Variants in INO80B observed in about 807,000 individuals in gnomAD.
INO80B encodes INO80 complex subunit B, also known as IES2 homolog.
A neutral mutation model predicts 31.4 loss-of-function variants in INO80B; 18 were observed. That is an observed-to-expected ratio of 0.57 (90% CI 0.40 to 0.85). The LOEUF (loss-of-function observed/expected upper bound fraction) is 0.85. INO80B is among the 40% of genes least tolerant of loss of function. INO80B has a pLI of 0.00. For synonymous variants in INO80B, 238 were observed against 199.0 expected (o/e 1.20, Z -1.65); for missense variants, 469 against 475.4 (o/e 0.99, Z 0.13).
Position 74,457,680 on chromosome 2 carries a change from T to G in INO80B, c.887T>G (p.Val296Gly). 1 of 1,599,822 alleles carries G rather than the reference T, an allele frequency of 6.3e-7. No homozygotes were observed. Among genetic ancestry groups the G allele is most frequent in the Non-Finnish European group, 8.5e-7 (1 of 1,178,884 alleles). ...CCTGGCGTCCCCGCCCCCACGGCAGTGTCTCAGCGGCCATCCCCCTCAGGC... is the reference window on the plus strand; with the variant it reads ...CCTGGCGTCCCCGCCCCCACGGCAGGGTCTCAGCGGCCATCCCCCTCAGGC... ...FPPGVPAPTA[V>G]SQRPSPSGPP... is the part of the protein sequence containing the mutation. The change falls in exon 5 of 5, where the codon GTG becomes GGG. Residue 296 changes from valine (V) to glycine (G), a missense_variant. Val to Gly is a moderately radical substitution (Grantham distance 109). Coordinates refer to ENST00000233331, the MANE Select transcript of INO80B (RefSeq NM_031288.4).
Position 74,457,897 on chromosome 2 carries a change from TGCCC to T in INO80B, c.*36_*39del. 1 of 1,496,782 alleles carries T rather than the reference TGCCC, an allele frequency of 6.7e-7. No individual in the cohort carries two copies. Among genetic ancestry groups the T allele is most frequent in the Non-Finnish European group, 8.9e-7 (1 of 1,128,090 alleles). 92.7% of individuals were successfully genotyped at this position (1,496,782 alleles called of 1,614,324 possible). ...AACCCGGACTCTGCGCCCCGTCCCA[TGCCC>T]GCTCTTGAGTATCTTCCCCACCCTA... On this transcript the variant is annotated 3_prime_UTR_variant, in exon 5 of 5. Coordinates refer to ENST00000233331, the MANE Select transcript of INO80B (RefSeq NM_031288.4).
intron 4 of INO80B, 67 bp downstream of exon 4, chr2:74,456,339 G>A (rs1671699736): frequency 3.2e-6 from 5 of 1,548,214 alleles, no homozygotes; most frequent in African/African-American, 1.4e-5. Context: ...CACGACCCAC[G>A]CACTTTGCGT....
rs1400243555 is a variant in INO80B at position 74,457,769 on chromosome 2, G to C, written c.976G>C (p.Gly326Arg). 2 of 1,599,128 alleles carry C rather than the reference G, an allele frequency of 1.3e-6. No individual in the cohort carries two copies. Among genetic ancestry groups the C allele is most frequent in the South Asian group, 1.1e-5 (1 of 91,004 alleles). The change falls in exon 5 of 5, where the codon GGC becomes CGC. Residue 326 changes from glycine (G) to arginine (R), a missense_variant. By Grantham distance (125) the Gly-to-Arg change is moderately radical. This residue lies in a region of INO80B where 201 missense variants were observed against 151.7 expected (regional missense o/e 1.32). Transcript: ENST00000233331. ...GCGCCGCTACGCTTGCTCCCGCACAGGCCAGGCACTCTGTAGTCTTCAGTG... is the reference window on the plus strand; with the variant it reads ...GCGCCGCTACGCTTGCTCCCGCACACGCCAGGCACTCTGTAGTCTTCAGTG... ...HPRRYACSRTGQALCSLQCYR... is the reference protein window; with the variant it reads ...HPRRYACSRTRQALCSLQCYR...
At chr2:74,457,308 A>T (rs1474484759) in intron 4 of INO80B, 26 bp from the exon 5 acceptor site, 10 of 1,587,570 alleles carry the variant, frequency 6.3e-6, no homozygotes, top group Non-Finnish European at 8.6e-6. Context: ...ATTTTCAGAC[A>T]GCACCCCGTC....
intron 4 of INO80B, among the ~76,000 whole-genome samples, chr2:74,457,011 A>C (rs1671722974): frequency 6.6e-6 from 1 of 152,218 alleles, no homozygotes; most frequent in African/African-American, 2.4e-5. Context: ...GATAAGATTA[A>C]AAATAACAAC....
At position 74,457,368 on chromosome 2, in the gene INO80B, C is replaced by T; in HGVS notation, c.575C>T (p.Ser192Phe). 1.2e-6 allele frequency: 2 copies of T among 1,608,730 alleles called. No homozygotes were observed. The highest frequency in any genetic ancestry group is 1.3e-5 in the African/African-American group (1 of 74,852). The change falls in exon 5 of 5, where the codon TCC becomes TTC. Residue 192 changes from serine (S) to phenylalanine (F), a missense_variant. Transcript: ENST00000233331. ...CTCCAGAAGGCGCGGAGTCAACCTT[C>T]CCCTATGCTGCCGCTGCCTGTAGCT... ...ALLQKARSQPSPMLPLPVAEG... is the reference protein window; with the variant it reads ...ALLQKARSQPFPMLPLPVAEG...
In INO80B at chr2:74,455,613, G is replaced by T. The variant is rs1053003255; in HGVS notation, c.251+15G>T. 1.3e-6 allele frequency: 2 copies of T among 1,589,728 alleles called. No homozygotes were observed. Among genetic ancestry groups the T allele is most frequent in the Non-Finnish European group, 8.5e-7 (1 of 1,170,822 alleles). On this transcript the variant is annotated intron_variant, in intron 2 of 4. Transcript: ENST00000233331. ...GGGACCAAGAGGTGAGGCCAAGAGG[G>T]TCATAGTTTTATAAGGGGAACTTTA... is the stretch of plus-strand genomic sequence containing the variant.
rs1558561557 is a variant in INO80B, at chr2:74,457,708, GC to G, written c.917del (p.Pro306ArgfsTer?). ...VSQRPSPSGP[P>X]PRCSVPGCPH... ...CTCAGCGGCCATCCCCCTCAGGCCC[GC>G]CGCCGCGCTGCTCTGTCCCCGGCTG... On this transcript the variant is annotated frameshift_variant, in exon 5 of 5. Coordinates refer to ENST00000233331, the MANE Select transcript of INO80B (RefSeq NM_031288.4). LOFTEE classifies it high-confidence loss of function. 1 of 1,599,520 alleles carries G rather than the reference GC, an allele frequency of 6.3e-7. No individual in the cohort carries two copies.
intron 1 of INO80B, 43 bp downstream of exon 1, chr2:74,455,217 G>A: frequency 6.2e-7 from 1 of 1,607,726 alleles, no homozygotes; most frequent in Non-Finnish European, 8.5e-7. Context: ...TGTTAGAAAA[G>A]AAGTCCCGTT....
Position 74,456,135 on chromosome 2 carries a change from C to G in INO80B, c.403C>G (p.Arg135Gly). The G allele has an allele frequency of 6.2e-7, 1 of 1,606,460 alleles. No homozygotes were observed. Among genetic ancestry groups the G allele is most frequent in the East Asian group, 2.2e-5 (1 of 44,846 alleles). Reference sequence around the variant, plus strand: ...CAGTAATCTCTCTCCCTCTCCACTTCGGGACCTATCAGGAGGGTTAGGGGG... The same window carrying G: ...CAGTAATCTCTCTCCCTCTCCACTTGGGGACCTATCAGGAGGGTTAGGGGG... ...EDSNLSPSPL[R>G]DLSGGLGGQE... The change falls in exon 4 of 5, where the codon CGG becomes GGG. Residue 135 changes from arginine to glycine, a missense_variant. By Grantham distance (125) the Arg-to-Gly change is moderately radical (BLOSUM62 -2). This residue lies in a region of INO80B where 223 missense variants were observed against 253.4 expected (regional missense o/e 0.88). Transcript: ENST00000233331.
In INO80B at chr2:74,455,613, G is replaced by A. The variant is rs1053003255; in HGVS notation, c.251+15G>A. On this transcript the variant is annotated intron_variant, in intron 2 of 4. Coordinates refer to ENST00000233331, the MANE Select transcript of INO80B (RefSeq NM_031288.4). ...GGGACCAAGAGGTGAGGCCAAGAGG[G>A]TCATAGTTTTATAAGGGGAACTTTA... The A allele has an allele frequency of 6.3e-7, 1 of 1,589,730 alleles. No individual in the cohort carries two copies. The highest frequency in any genetic ancestry group is 1.4e-5 in the African/African-American group (1 of 73,360).
In INO80B at chr2:74,455,589, G is replaced by C. The variant is rs1671670484; in HGVS notation, c.242G>C (p.Gly81Ala). ...ATCAAGCTTGGGGGACAAGTCCTGG[G>C]GACCAAGAGGTGAGGCCAAGAGGGT... is the stretch of plus-strand genomic sequence containing the variant. ...LKIKLGGQVLGTKSVPTFTVI... is the reference protein window; with the variant it reads ...LKIKLGGQVLATKSVPTFTVI... Residue 81 changes from glycine (G) to alanine (A), a missense_variant, in exon 2 of 5, where the codon GGG becomes GCG. By Grantham distance (60) the Gly-to-Ala change is moderately conservative. Around this residue, in one of 3 missense-constraint regions of INO80B, gnomAD observed 223 missense variants for 253.4 expected, o/e 0.88. Transcript: ENST00000233331. 1 of 1,610,978 alleles carries C rather than the reference G, an allele frequency of 6.2e-7. No individual in the cohort carries two copies. Among genetic ancestry groups the C allele is most frequent in the Non-Finnish European group, 8.5e-7 (1 of 1,178,964 alleles).
intron 4 of INO80B, 130 bp downstream of exon 4, chr2:74,456,402 G>A: frequency 1.2e-6 from 1 of 848,702 alleles, no homozygotes; most frequent in Non-Finnish European, 1.9e-6. Flanking sequence ...TTCTCCTGGA[G>A]CTAGTATTCT....
At chr2:74,457,158 A>G (rs879801843) in intron 4 of INO80B, among the ~76,000 whole-genome samples, 176 bp from the exon 5 acceptor site, 8 of 152,072 alleles carry the variant, frequency 5.3e-5, no homozygotes, top group Non-Finnish European at 1.2e-4. Context: ...ATGAAGAGGA[A>G]CCTATGGAAG....
At position 74,455,416 on chromosome 2, in the gene INO80B, G is replaced by A; in HGVS notation, c.69G>A (p.Leu23=). ...GCTTTCCTTCCACAGGAGAAGCCCT[G>A]GAGTTGAGCCTGGCGGGTGCCCATG... The part of the protein sequence containing the change: ...AMEAPEPGEA[L]ELSLAGAHGH... The change falls in exon 2 of 5, where the codon CTG becomes CTA. Residue 23 remains leucine, a synonymous_variant. Transcript: ENST00000233331. The A allele has an allele frequency of 6.2e-7, 1 of 1,614,156 alleles. No individual in the cohort carries two copies. The highest frequency in any genetic ancestry group is 1.1e-5 in the South Asian group (1 of 91,084).
rs1671742468 is a variant in INO80B, at chr2:74,457,648, C to T, written c.855C>T (p.Ser285=). Reference sequence around the variant, plus strand: ...GCGGAGCACAGGGTTCCACCCTTTCCTTCCCACCTGGCGTCCCCGCCCCCA... The same window carrying T: ...GCGGAGCACAGGGTTCCACCCTTTCTTTCCCACCTGGCGTCCCCGCCCCCA... ...YCSGAQGSTL[S]FPPGVPAPTA... is the part of the protein sequence containing the mutation. The change falls in exon 5 of 5, where the codon TCC becomes TCT. Residue 285 remains serine (S), a synonymous_variant. Transcript: ENST00000233331. 2 of 1,599,224 alleles carry T rather than the reference C, an allele frequency of 1.3e-6. No individual in the cohort carries two copies. The highest frequency in any genetic ancestry group is 2.7e-5 in the African/African-American group (2 of 74,714).
chr2:74,457,213 G>A (rs1671726917), intron 4 of INO80B, 121 bp from the exon 5 acceptor site: 4 of 986,264 alleles, frequency 4.1e-6, no homozygotes, highest in Non-Finnish European at 5.9e-6. Flanking sequence ...CGCCTCCGAA[G>A]GCCTGCACTG....
Position 74,457,587 on chromosome 2 carries a change from G to T in INO80B, c.794G>T (p.Arg265Leu). 1 of 1,522,470 alleles carries T rather than the reference G, an allele frequency of 6.6e-7. No homozygotes were observed. Among genetic ancestry groups the T allele is most frequent in the Non-Finnish European group, 8.8e-7 (1 of 1,140,100 alleles). The allele number at this position is 1,522,470 out of a possible 1,614,324, so 94.3% of individuals were successfully genotyped here. The change falls in exon 5 of 5, where the codon CGG (arginine) becomes CTG (leucine). Residue 265 changes from arginine to leucine, a missense_variant. This residue lies in a region of INO80B where 201 missense variants were observed against 151.7 expected (regional missense o/e 1.32). Transcript: ENST00000233331. ...GGARGERRGG[R>L]AAAPAPMVRY... ...GCACGGGGCGAGCGGCGGGGAGGGC[G>T]GGCTGCGGCTCCGGCCCCCATGGTG...
intron 2 of INO80B, 109 bp downstream of exon 2, chr2:74,455,707 G>A (rs1416657798): frequency 7.0e-7 from 1 of 1,426,448 alleles, no homozygotes; most frequent in African/African-American, 1.4e-5. Context: ...TGACTTCAGG[G>A]TCCAGATTTA....
Sources: gnomAD v4.1 joint callset for allele counts (sites outside exome capture counted in the v4.1 genomes callset) on GRCh38, gnomAD v4.1.1 for gene constraint, gnomAD v4.1.1 regional missense constraint, MANE v1.5 for transcripts, NCBI Gene and HGNC (gene_info 2026-07-23, HGNC 2026-07-21) for gene names.